Variants in SUGCT observed in about 807,000 individuals in gnomAD.
The protein encoded by SUGCT is succinyl-CoA:glutarate CoA-transferase.
In SUGCT, 41 loss-of-function variants were observed where a neutral mutation model predicts 55.0. That is an observed-to-expected ratio of 0.74 (90% CI 0.58 to 0.97). SUGCT has a LOEUF of 0.97. SUGCT is among the 50% of genes least tolerant of loss of function. The pLI, the probability that SUGCT is intolerant of heterozygous loss-of-function variation, is 0.00. For synonymous variants in SUGCT, 187 were observed against 200.4 expected (o/e 0.93, Z 0.56); for missense variants, 568 against 547.8 (o/e 1.04, Z -0.37).
intron 6 of SUGCT, among the ~76,000 whole-genome samples, chr7:40,221,237 A>C (rs896109172): frequency 6.6e-6 from 1 of 151,728 alleles, no homozygotes; most frequent in Non-Finnish European, 1.5e-5. Context: ...AACATAGTGA[A>C]ACCCAGTCTC....
intron 8 of SUGCT, among the ~76,000 whole-genome samples, chr7:40,293,149 T>G (rs977980932): frequency 2.6e-5 from 4 of 152,248 alleles, no homozygotes; most frequent in Non-Finnish European, 5.9e-5. Flanking sequence ...TTTCTGTGTT[T>G]ATACCATACT....
At chr7:40,777,333 C>T (rs1006691946) in intron 13 of SUGCT, among the ~76,000 whole-genome samples, 8 of 152,050 alleles carry the variant, frequency 5.3e-5, no homozygotes, top group Non-Finnish European at 1.0e-4. Flanking sequence ...TTACCTTTTC[C>T]ATGGGCATCG....
the SUGCT span, among the ~76,000 whole-genome samples, chr7:41,033,539 C>G: frequency 6.6e-6 from 1 of 152,144 alleles, no homozygotes; most frequent in Admixed American, 6.5e-5. Context: ...TTATGGTTTA[C>G]AAACTTCTGT....
chr7:40,291,126 AC>A (rs1270095850), intron 8 of SUGCT, among the ~76,000 whole-genome samples: 2 of 152,164 alleles, frequency 1.3e-5, no homozygotes, highest in Non-Finnish European at 2.9e-5. Flanking sequence ...AACTAGAAAT[AC>A]CATTTGACTC....
intron 9 of SUGCT, among the ~76,000 whole-genome samples, chr7:40,400,850 C>T (rs1786024611): frequency 6.6e-6 from 1 of 152,108 alleles, no homozygotes. Flanking sequence ...AGAATATGAG[C>T]CTGTACCCTA....
intron 13 of SUGCT, among the ~76,000 whole-genome samples, chr7:40,832,568 T>TG (rs1792737529): frequency 6.6e-6 from 1 of 151,332 alleles, no homozygotes; most frequent in African/African-American, 2.4e-5. Flanking sequence ...TTTTGTTTTT[T>TG]TTTTTTCCCG....
intron 13 of SUGCT, among the ~76,000 whole-genome samples, chr7:40,823,919 A>G (rs563570730): frequency 2.6e-5 from 4 of 152,256 alleles, no homozygotes; most frequent in South Asian, 4.1e-4. Context: ...ATTGCTAAAT[A>G]ATAGCTAACG....
the SUGCT span, among the ~76,000 whole-genome samples, chr7:41,037,540 T>A: frequency 6.6e-6 from 1 of 151,904 alleles, no homozygotes; most frequent in African/African-American, 2.4e-5. Flanking sequence ...GAGTTTCAAA[T>A]TATTGAATTT....
At chr7:40,392,257 C>T (rs1161353234) in intron 9 of SUGCT, among the ~76,000 whole-genome samples, 1 of 152,090 alleles carries the variant, frequency 6.6e-6, no homozygotes, top group Non-Finnish European at 1.5e-5. Context: ...ACGTTGTGCA[C>T]ACGTACCCTA....
At chr7:40,986,553 A>T in the SUGCT span, among the ~76,000 whole-genome samples, 1 of 152,216 alleles carries the variant, frequency 6.6e-6, no homozygotes, top group Non-Finnish European at 1.5e-5. Flanking sequence ...AGGCCAACTG[A>T]AATGAAAAGA....
intron 12 of SUGCT, among the ~76,000 whole-genome samples, chr7:40,647,839 T>C (rs567986609): frequency 6.6e-6 from 1 of 151,604 alleles, no homozygotes; most frequent in South Asian, 2.1e-4. Flanking sequence ...AAAAAAAAGT[T>C]AGACCACTTG....
At chr7:40,548,209 G>A (rs1220099597) in intron 12 of SUGCT, among the ~76,000 whole-genome samples, 1 of 47,442 alleles carries the variant, frequency 2.1e-5, no homozygotes. Flanking sequence ...TTTTTTTTGT[G>A]ATTAGGTCTC....
chr7:40,153,739 A>G (rs1788706266), intron 1 of SUGCT: 1 of 465,808 alleles, frequency 2.1e-6, no homozygotes, highest in Non-Finnish European at 4.3e-6. Flanking sequence ...AGCAAACAAC[A>G]TCACATCTTT....
chr7:40,898,082 A>G, the SUGCT span, among the ~76,000 whole-genome samples: 1 of 152,144 alleles, frequency 6.6e-6, no homozygotes, highest in East Asian at 1.9e-4. Flanking sequence ...CGCTGTCTTT[A>G]TGAGCTGTAA....
intron 9 of SUGCT, among the ~76,000 whole-genome samples, chr7:40,332,994 C>A (rs4461801): frequency 0.013 from 2,025 of 152,036 alleles, 35 homozygotes; most frequent in African/African-American, 0.044. Flanking sequence ...TTTGTAGAAA[C>A]GTATAGTCCC....
At chr7:40,765,999 T>C (rs1457067405) in intron 13 of SUGCT, among the ~76,000 whole-genome samples, 2 of 152,204 alleles carry the variant, frequency 1.3e-5, no homozygotes, top group African/African-American at 4.8e-5. Context: ...ATTCAACCTT[T>C]CGTGTGAGGT....
chr7:40,801,030 C>T (rs1790789268), intron 13 of SUGCT, among the ~76,000 whole-genome samples: 1 of 152,166 alleles, frequency 6.6e-6, no homozygotes, highest in African/African-American at 2.4e-5. Context: ...CTCAAGCAGT[C>T]ATGCAATGGT....
chr7:40,655,348 G>A (rs146151403), intron 12 of SUGCT, among the ~76,000 whole-genome samples: 187 of 152,130 alleles, frequency 1.2e-3, no homozygotes, highest in African/African-American at 4.4e-3. Flanking sequence ...TCTCCCTCTC[G>A]CTCTTTTCCA....
intron 9 of SUGCT, among the ~76,000 whole-genome samples, chr7:40,402,334 G>A (rs1786118585): frequency 6.6e-6 from 1 of 152,100 alleles, no homozygotes; most frequent in Non-Finnish European, 1.5e-5. Context: ...AACAGGGAAA[G>A]TTATCCAAAC....
Sources: allele counts gnomAD v4.1 joint callset (sites outside exome capture counted in the v4.1 genomes callset), GRCh38; gene constraint gnomAD v4.1.1; transcripts MANE v1.5; gene names NCBI Gene and HGNC (gene_info 2026-07-23, HGNC 2026-07-21).